MTFMT: variants seen among roughly 807,000 people sequenced by gnomAD.
MTFMT encodes the protein mitochondrial methionyl-tRNA formyltransferase.
Under a neutral mutation model 51.8 loss-of-function variants are expected in MTFMT, and 47 were observed. The observed-to-expected ratio is 0.91, with a 90% CI of 0.72 to 1.16. The LOEUF (loss-of-function observed/expected upper bound fraction) is 1.16. Ranked by LOEUF, MTFMT falls within the 50% of genes most tolerant of loss-of-function variation. The pLI, the probability that MTFMT is intolerant of heterozygous loss-of-function variation, is 0.00. For missense variants in MTFMT, 512 were observed against 482.3 expected (o/e 1.06, Z -0.58); for synonymous variants, 196 against 176.7 (o/e 1.11, Z -0.87).
At chr15:65,020,048 T>C in intron 5 of MTFMT, 149 bp downstream of exon 5, 1 of 659,496 alleles carries the variant, frequency 1.5e-6, no homozygotes, top group Non-Finnish European at 2.5e-6. Context: ...GGAGAAAGAA[T>C]GCTTTCTACC....
At chr15:65,005,294 C>A (rs901190890) in intron 7 of MTFMT, among the ~76,000 whole-genome samples, 1 of 152,140 alleles carries the variant, frequency 6.6e-6, no homozygotes, top group Non-Finnish European at 1.5e-5. Context: ...CCTGCCCAAA[C>A]AAATCCTAAT....
At chr15:65,006,537 C>T (rs1266883383) in intron 6 of MTFMT, among the ~76,000 whole-genome samples, 2 of 151,944 alleles carry the variant, frequency 1.3e-5, no homozygotes, top group Non-Finnish European at 2.9e-5. Context: ...CAACCATGCC[C>T]GGCTAATTTT....
rs398027674 is a variant in MTFMT at position 65,002,962 on chromosome 15, CAAAAAAA to C, written c.*93_*99del. ...TGGGTGACAGAGTGAGACTCTGTCTCAAAAAAAAAAAAAAAAAAAAAAGTCCAGATAA... is the reference window on the plus strand; with the variant it reads ...TGGGTGACAGAGTGAGACTCTGTCTCAAAAAAAAAAAAAAAGTCCAGATAA... On this transcript the variant is annotated 3_prime_UTR_variant, in exon 9 of 9. Coordinates refer to ENST00000220058, the MANE Select transcript of MTFMT (RefSeq NM_139242.4). The C allele has an allele frequency of 3.1e-5, 10 of 325,754 alleles. No homozygotes were observed. Among genetic ancestry groups the C allele is most frequent in the Admixed American group, 9.2e-5 (1 of 10,890 alleles). The allele number at this position is 325,754 out of a possible 1,614,324, so 20.2% of individuals were successfully genotyped here. A position where few individuals can be genotyped will look rare whatever the true frequency, so the allele number is the denominator to read the frequency against.
chr15:65,027,782 T>C (rs1317210107), intron 1 of MTFMT, among the ~76,000 whole-genome samples: 1 of 152,214 alleles, frequency 6.6e-6, no homozygotes, highest in Non-Finnish European at 1.5e-5. Context: ...ACAGTGGCTG[T>C]CTCTGGATAA....
intron 2 of MTFMT, among the ~76,000 whole-genome samples, chr15:65,024,092 C>T (rs1403451977): frequency 1.3e-5 from 2 of 151,832 alleles, no homozygotes; most frequent in Admixed American, 6.6e-5. Flanking sequence ...TTTGAGAGGC[C>T]GAGGCGGGCG....
At chr15:65,029,360 T>C in intron 1 of MTFMT, 45 bp downstream of exon 1, 1 of 1,404,432 alleles carries the variant, frequency 7.1e-7, no homozygotes, top group Non-Finnish European at 9.3e-7. Context: ...GGGCGCGGCC[T>C]GGAGGCCTTC....
In MTFMT at chr15:65,020,180, C is replaced by T; in HGVS notation, c.721+17G>A. 1 of 1,607,532 alleles carries T rather than the reference C, an allele frequency of 6.2e-7. No individual in the cohort carries two copies. The highest frequency in any genetic ancestry group is 8.5e-7 in the Non-Finnish European group (1 of 1,176,976). On this transcript the variant is annotated intron_variant, in intron 5 of 8. Transcript: ENST00000220058. ...AGAACCTTTAGAAAGATGAGAGTCT[C>T]TGCAGCCTTCACTCACCGTAAGTCG...
Position 65,002,840 on chromosome 15 carries a change from G to A in MTFMT, c.*222C>T, listed in dbSNP as rs761886409. On this transcript the variant is annotated 3_prime_UTR_variant, in exon 9 of 9. Transcript: ENST00000220058. ...TAGCTGCGTGTGGTGGCGTGTGCCT[G>A]TAATCCCAGCTACTCAGGAGGCTGA... The A allele has an allele frequency of 4.2e-5, 12 of 284,754 alleles. No individual in the cohort carries two copies. Among genetic ancestry groups the A allele is most frequent in the Non-Finnish European group, 7.2e-5 (11 of 153,476 alleles). The allele number at this position is 284,754 out of a possible 1,614,324, so 17.6% of individuals were successfully genotyped here. A position where few individuals can be genotyped will look rare whatever the true frequency, so the allele number is the denominator to read the frequency against.
intron 6 of MTFMT, among the ~76,000 whole-genome samples, chr15:65,008,338 A>G (rs1483571345): frequency 6.6e-6 from 1 of 152,178 alleles, no homozygotes; most frequent in Admixed American, 6.5e-5. Context: ...TACCACCTTT[A>G]TCATGTAACA....
intron 6 of MTFMT, among the ~76,000 whole-genome samples, chr15:65,014,934 ATTTTTTT>A (rs57853235): frequency 4.0e-5 from 5 of 124,590 alleles, no homozygotes; most frequent in African/African-American, 1.5e-4. Context: ...GCCTGGCCTG[ATTTTTTT>A]TTTTTTTTTT....
chr15:65,016,424 T>G lies in MTFMT; in HGVS notation c.813+12A>C. ...CAACTAGGTAGAACTGCAACCTGAC[T>G]TCCCAACTTACTATATTTCCAATGG... On this transcript the variant is annotated intron_variant, in intron 6 of 8. Coordinates refer to ENST00000220058, the MANE Select transcript of MTFMT (RefSeq NM_139242.4). 1 of 1,571,506 alleles carries G rather than the reference T, an allele frequency of 6.4e-7. No individual in the cohort carries two copies. Among genetic ancestry groups the G allele is most frequent in the East Asian group, 2.3e-5 (1 of 44,124 alleles).
chr15:65,014,514 C>T (rs568813110), intron 6 of MTFMT, among the ~76,000 whole-genome samples: 9 of 151,740 alleles, frequency 5.9e-5, no homozygotes, highest in Admixed American at 1.3e-4. Flanking sequence ...TTAGTAGAGA[C>T]GGGGTTTCTC....
intron 7 of MTFMT, among the ~76,000 whole-genome samples, chr15:65,005,664 A>G (rs2086215069): frequency 6.8e-6 from 1 of 146,346 alleles, no homozygotes; most frequent in Admixed American, 7.0e-5. Flanking sequence ...GCTGGAGTGC[A>G]GCGGCGCAAT....
At chr15:65,004,288 A>G (rs944345338) in intron 8 of MTFMT, among the ~76,000 whole-genome samples, 1 of 152,204 alleles carries the variant, frequency 6.6e-6, no homozygotes, top group African/African-American at 2.4e-5. Context: ...AAGTGCTGGG[A>G]TAACATGTGT....
Position 65,027,005 on chromosome 15 carries a change from T to A in MTFMT, c.245A>T (p.Glu82Val), listed in dbSNP as rs757748248. The change falls in exon 2 of 9, where the codon GAG (glutamate) becomes GTG (valine). Residue 82 changes from glutamate to valine, a missense_variant. Physicochemically the swap from Glu to Val is moderately radical, Grantham distance 121. Coordinates refer to ENST00000220058, the MANE Select transcript of MTFMT (RefSeq NM_139242.4). The part of the protein sequence containing the change: ...NKEEELIDKL[E>V]VVTMPSPSPK... ...TGATGGGGAAGGCATTGTGACCACCTCCAGTTTGTCGATTAACTCTTCTTC... is the reference window on the plus strand; with the variant it reads ...TGATGGGGAAGGCATTGTGACCACCACCAGTTTGTCGATTAACTCTTCTTC... 8 of 1,613,972 alleles carry A rather than the reference T, an allele frequency of 5.0e-6. No individual in the cohort carries two copies. The South Asian group carries it at 7.7e-5, about 16-fold the overall frequency.
intron 5 of MTFMT, among the ~76,000 whole-genome samples, chr15:65,018,365 T>C (rs1365862814): frequency 3.9e-5 from 6 of 152,248 alleles, no homozygotes; most frequent in Admixed American, 3.9e-4. Flanking sequence ...GTAATATTGG[T>C]ATTGTAATGC....
intron 6 of MTFMT, among the ~76,000 whole-genome samples, chr15:65,007,507 T>A (rs1454581011): frequency 6.6e-6 from 1 of 152,236 alleles, no homozygotes; most frequent in Non-Finnish European, 1.5e-5. Flanking sequence ...TTTATAACAC[T>A]ATAAACTAGG....
intron 3 of MTFMT, among the ~76,000 whole-genome samples, chr15:65,021,901 G>A (rs917160100): frequency 3.3e-5 from 5 of 152,148 alleles, no homozygotes; most frequent in South Asian, 2.1e-4. Context: ...TTTGAAAGAC[G>A]GGAGAACAAA....
Position 65,026,961 on chromosome 15 carries a change from T to A in MTFMT, c.289A>T (p.Lys97Ter). ...PSPSPKGLPV[K>*]QYAVQSQLPV... ...AGCTGAGACTGCACAGCATATTGCT[T>A]CACTGGCAGTCCTTTTGGTGATGGG... Residue 97 changes from lysine to a stop codon, truncating the protein, a stop_gained, in exon 2 of 9, where the codon AAG (lysine) becomes TAG (stop). Coordinates refer to ENST00000220058, the MANE Select transcript of MTFMT (RefSeq NM_139242.4). LOFTEE classifies it high-confidence loss of function. 6.2e-7 allele frequency: 1 copy of A among 1,614,034 alleles called. No individual in the cohort carries two copies. Among genetic ancestry groups the A allele is most frequent in the Non-Finnish European group, 8.5e-7 (1 of 1,179,894 alleles).
Sources: gnomAD v4.1 joint callset for allele counts (sites outside exome capture counted in the v4.1 genomes callset) on GRCh38, gnomAD v4.1.1 for gene constraint, MANE v1.5 for transcripts, NCBI Gene and HGNC (gene_info 2026-07-23, HGNC 2026-07-21) for gene names.